PPP5C: variants seen among roughly 807,000 people sequenced by gnomAD.
The protein encoded by PPP5C is serine/threonine-protein phosphatase 5.
PPP5C carries 21 observed loss-of-function variants against 66.7 expected under a neutral mutation model. The ratio of observed to expected loss-of-function variants is 0.31; its 90% CI spans 0.22 to 0.45. PPP5C has a LOEUF of 0.45. PPP5C is among the 20% of genes least tolerant of loss of function. PPP5C has a pLI of 1.00. For missense variants in PPP5C, 464 were observed against 675.9 expected, an observed-to-expected ratio of 0.69 and a Z score of 3.48; for synonymous variants, 246 against 257.4, an observed-to-expected ratio of 0.96 and a Z score of 0.43.
At chr19:46,389,353 CCATCTCAAAACACACACACACACA>C (rs1972953824) in intron 11 of PPP5C, among the ~76,000 whole-genome samples, 3 of 134,600 alleles carry the variant, frequency 2.2e-5, no homozygotes, top group African/African-American at 9.3e-5. Flanking sequence ...GAGTAAGACT[CCATCTCAAAACACACACACACACA>C]CACACACACA....
intron 7 of PPP5C, among the ~76,000 whole-genome samples, chr19:46,385,449 G>T (rs1972865916): frequency 4.6e-5 from 7 of 152,142 alleles, no homozygotes; most frequent in Admixed American, 4.6e-4. Flanking sequence ...TTTGAGACCA[G>T]CCTGGGCAAC....
intron 7 of PPP5C, among the ~76,000 whole-genome samples, chr19:46,386,347 C>T (rs1227793313): frequency 3.9e-5 from 6 of 152,128 alleles, no homozygotes; most frequent in African/African-American, 1.2e-4. Context: ...CCTGCATGCC[C>T]GTGTCCCTGG....
chr19:46,359,432 G>A (rs1330097826), intron 2 of PPP5C, among the ~76,000 whole-genome samples: 1 of 152,164 alleles, frequency 6.6e-6, no homozygotes, highest in African/African-American at 2.4e-5. Flanking sequence ...TTTCCAATTA[G>A]GGAGCCAGCT....
At chr19:46,380,529 A>T (rs1318960211) in intron 4 of PPP5C, among the ~76,000 whole-genome samples, 1 of 152,056 alleles carries the variant, frequency 6.6e-6, no homozygotes, top group African/African-American at 2.4e-5. Context: ...TTCTTCTTCC[A>T]TATGTGAGTT....
At chr19:46,363,758 G>A (rs376352139) in intron 2 of PPP5C, among the ~76,000 whole-genome samples, 150 of 152,210 alleles carry the variant, frequency 9.9e-4, no homozygotes, top group African/African-American at 3.5e-3. Flanking sequence ...GTGAGTGCTC[G>A]TTTGTCTTTA....
chr19:46,363,307 CAAAAAAAAAAAAAAAAAAA>C (rs1158423038), intron 2 of PPP5C, among the ~76,000 whole-genome samples: 21 of 27,938 alleles, frequency 7.5e-4, no homozygotes, highest in African/African-American at 2.9e-3. Context: ...GACTCCATCT[CAAAAAAAAAAAAAAAAAAA>C]AAAAAAAAAA....
At chr19:46,387,023 A>G in intron 7 of PPP5C, 70 bp from the exon 8 acceptor site, 1 of 1,608,156 alleles carries the variant, frequency 6.2e-7, no homozygotes, top group South Asian at 1.1e-5. Context: ...CTGGGCCTTG[A>G]GGGTGCCAGG....
intron 2 of PPP5C, among the ~76,000 whole-genome samples, chr19:46,365,595 G>C (rs1234492449): frequency 6.6e-6 from 1 of 152,162 alleles, no homozygotes; most frequent in African/African-American, 2.4e-5. Flanking sequence ...TCAGGTATCA[G>C]AGTGACCAGT....
At chr19:46,352,720 T>C (rs2147360754) in intron 1 of PPP5C, among the ~76,000 whole-genome samples, 1 of 151,058 alleles carries the variant, frequency 6.6e-6, no homozygotes, top group East Asian at 2.0e-4. Context: ...CTCGGGGGGC[T>C]AAGGCTGGAG....
intron 6 of PPP5C, chr19:46,384,117 GTC>G (rs1190495882): frequency 4.7e-5 from 25 of 530,132 alleles, no homozygotes; most frequent in Non-Finnish European, 8.1e-5. Context: ...TGGTAGCTCA[GTC>G]TCTCTGGGTC....
intron 4 of PPP5C, chr19:46,382,991 T>C: frequency 9.1e-7 from 1 of 1,094,004 alleles, no homozygotes. Flanking sequence ...AAAGCACCAG[T>C]GTTGCCTATG....
chr19:46,366,627 G>A (rs1233304533), intron 2 of PPP5C, among the ~76,000 whole-genome samples: 5 of 152,198 alleles, frequency 3.3e-5, no homozygotes, highest in Admixed American at 2.6e-4. Flanking sequence ...GAGGCACCAT[G>A]CATGGCCTGC....
intron 2 of PPP5C, among the ~76,000 whole-genome samples, chr19:46,371,053 C>G (rs1385767103): frequency 6.6e-6 from 1 of 151,920 alleles, no homozygotes; most frequent in East Asian, 1.9e-4. Flanking sequence ...GTGTGTGTGT[C>G]TCTCTCATTA....
intron 2 of PPP5C, among the ~76,000 whole-genome samples, chr19:46,373,781 G>A (rs2147386898): frequency 6.6e-6 from 1 of 152,298 alleles, no homozygotes; most frequent in East Asian, 1.9e-4. Flanking sequence ...CTGGAACAAG[G>A]GAGCCCAGGG....
intron 2 of PPP5C, among the ~76,000 whole-genome samples, chr19:46,355,395 G>T (rs576700426): frequency 7.3e-5 from 11 of 150,652 alleles, no homozygotes; most frequent in African/African-American, 2.2e-4. Context: ...GCAGTTGGTC[G>T]CGGGGCTGAG....
chr19:46,350,587 C>T (rs950222106), intron 1 of PPP5C, among the ~76,000 whole-genome samples: 7 of 152,160 alleles, frequency 4.6e-5, no homozygotes, highest in Non-Finnish European at 1.0e-4. Context: ...GGCACAGAGC[C>T]CCAGGCTCCA....
rs755907530 is a variant in PPP5C, at chr19:46,383,887, C to G, written c.798+9C>G. 6.3e-7 allele frequency: 1 copy of G among 1,595,508 alleles called. No homozygotes were observed. The highest frequency in any genetic ancestry group is 8.6e-7 in the Non-Finnish European group (1 of 1,163,162). ...CGGAGACCAACCCCTATGTATCCTT[C>G]TCAGCAGAGCCACCCTCTCCCCACC... On this transcript the variant is annotated intron_variant, in intron 6 of 12. Transcript: ENST00000012443. This position sits in a 1 kb window ranked among gnomAD's most constrained non-coding sequence, Gnocchi z 5.0.
intron 2 of PPP5C, among the ~76,000 whole-genome samples, chr19:46,367,879 T>C (rs915192311): frequency 6.6e-6 from 1 of 152,174 alleles, no homozygotes; most frequent in Non-Finnish European, 1.5e-5. Context: ...TGGTGATGAA[T>C]GGAGTTTTAG....
intron 6 of PPP5C, chr19:46,384,308 C>T (rs1272757859): frequency 7.9e-6 from 2 of 254,304 alleles, no homozygotes; most frequent in African/African-American, 4.4e-5. Flanking sequence ...AACCTTGTTA[C>T]TCAGCAGTTA....
Sources: gnomAD v4.1 joint callset for allele counts (sites outside exome capture counted in the v4.1 genomes callset) on GRCh38, gnomAD v4.1.1 for gene constraint, Gnocchi (gnomAD v3.1) non-coding constraint, MANE v1.5 for transcripts, NCBI Gene and HGNC (gene_info 2026-07-23, HGNC 2026-07-21) for gene names.